Variants in FKBP5 observed in about 807,000 individuals in gnomAD.
FKBP5 encodes the protein FKBP prolyl isomerase 5.
A neutral mutation model predicts 50.5 loss-of-function variants in FKBP5; 23 were observed. The ratio of observed to expected loss-of-function variants is 0.46; its 90% confidence interval spans 0.33 to 0.65. The LOEUF (loss-of-function observed/expected upper bound fraction) is 0.65, where lower values mean the gene tolerates loss of function less well. FKBP5 is among the 30% of genes least tolerant of loss of function. The pLI is 0.02. For synonymous variants in FKBP5, 176 were observed against 190.6 expected (o/e 0.92, Z 0.63); for missense variants, 411 against 553.1 (o/e 0.74, Z 2.58).
intron 3 of FKBP5, among the ~76,000 whole-genome samples, chr6:35,631,954 CAA>C (rs763457961): frequency 8.0e-4 from 51 of 63,762 alleles, no homozygotes; most frequent in Non-Finnish European, 1.2e-3. Flanking sequence ...GACTCTGTCT[CAA>C]AAAAAAAAAA....
intron 7 of FKBP5, among the ~76,000 whole-genome samples, chr6:35,588,439 G>A (rs759777268): frequency 3.2e-4 from 49 of 152,150 alleles, no homozygotes; most frequent in Non-Finnish European, 5.7e-4. Context: ...TTCAATTCCA[G>A]GTTTTAGCAC....
chr6:35,618,328 G>C (rs1265812602), intron 5 of FKBP5, among the ~76,000 whole-genome samples: 2 of 152,108 alleles, frequency 1.3e-5, no homozygotes, highest in African/African-American at 4.8e-5. Flanking sequence ...CGTAGATGTT[G>C]AATTAATATT....
chr6:35,692,297 C>A (rs1437976263), upstream of FKBP5, among the ~76,000 whole-genome samples: 2 of 152,108 alleles, frequency 1.3e-5, no homozygotes, highest in African/African-American at 2.4e-5. Flanking sequence ...TTGATTCTCA[C>A]AATGGGGTAG....
intron 10 of FKBP5, among the ~76,000 whole-genome samples, chr6:35,576,236 C>A (rs1427078959): frequency 1.3e-5 from 2 of 152,060 alleles, no homozygotes; most frequent in Non-Finnish European, 2.9e-5. Flanking sequence ...TGCAGACAGA[C>A]CTCTCCTGCC....
intron 5 of FKBP5, among the ~76,000 whole-genome samples, chr6:35,602,766 T>A (rs1386580818): frequency 1.3e-5 from 2 of 152,124 alleles, no homozygotes; most frequent in Non-Finnish European, 2.9e-5. Flanking sequence ...GTAAGATTGC[T>A]TACAGAACTG....
intron 3 of FKBP5, among the ~76,000 whole-genome samples, chr6:35,621,091 C>A (rs570591294): frequency 6.6e-6 from 1 of 152,256 alleles, no homozygotes; most frequent in African/African-American, 2.4e-5. Context: ...AAAAATGTTC[C>A]TTTAAACAAA....
chr6:35,637,047 T>C lies in FKBP5; in HGVS notation c.217A>G (p.Arg73Gly). ...AGACTAAAGACAAATGGTTCATTTCTATCATGACTGGAATCAAACTTCTTT... is the reference window on the plus strand; with the variant it reads ...AGACTAAAGACAAATGGTTCATTTCCATCATGACTGGAATCAAACTTCTTT... Reference protein sequence around the residue: ...NGKKFDSSHDRNEPFVFSLGK... With the variant: ...NGKKFDSSHDGNEPFVFSLGK... Residue 73 changes from arginine to glycine, a missense_variant, in exon 3 of 11, where the codon AGA becomes GGA. Transcript: ENST00000357266. 1 of 1,606,914 alleles carries C rather than the reference T, an allele frequency of 6.2e-7. No individual in the cohort carries two copies. The highest frequency in any genetic ancestry group is 8.5e-7 in the Non-Finnish European group (1 of 1,178,536).
intron 9 of FKBP5, among the ~76,000 whole-genome samples, chr6:35,579,169 CT>C (rs1762338745): frequency 7.8e-6 from 1 of 127,740 alleles, no homozygotes; most frequent in African/African-American, 4.0e-5. Context: ...CACACACTCT[CT>C]CTCTCTCTCT....
chr6:35,642,868 C>T, intron 1 of FKBP5, 25 bp from the exon 2 acceptor site: 1 of 1,535,522 alleles, frequency 6.5e-7, no homozygotes, highest in South Asian at 1.1e-5. Flanking sequence ...AATATTTTAG[C>T]TGGGAAAAAT....
intron 3 of FKBP5, among the ~76,000 whole-genome samples, chr6:35,629,503 A>G (rs1039445280): frequency 2.0e-5 from 3 of 151,282 alleles, no homozygotes; most frequent in African/African-American, 4.8e-5. Context: ...TTCATGGCTT[A>G]TAATTAAAAC....
chr6:35,685,253 T>G (rs1158128013), intron 1 of FKBP5, among the ~76,000 whole-genome samples: 1 of 152,224 alleles, frequency 6.6e-6, no homozygotes. Flanking sequence ...CAGTCTCATT[T>G]GGCAGTACTG....
In FKBP5 at chr6:35,672,464, A is replaced by G. The variant is rs1338151268; in HGVS notation, c.-20+16340T>C. On this transcript the variant is annotated intron_variant, in intron 1 of 10. Transcript: ENST00000357266. The stretch of plus-strand genomic sequence containing the variant: ...TCAGTAAAAATCAATCTAGTCCAGA[A>G]GCTTGCTTTTTTTTTTTTTTAAAGA... Among the ~76,000 whole-genome samples the G allele has an allele frequency of 2.6e-5, 4 of 151,512 alleles. No homozygotes were observed. The East Asian group carries it at 7.7e-4, about 29-fold the overall frequency.
chr6:35,663,950 T>C (rs568667994), intron 1 of FKBP5, among the ~76,000 whole-genome samples: 1 of 152,244 alleles, frequency 6.6e-6, no homozygotes, highest in South Asian at 2.1e-4. Context: ...AGACAGCAAA[T>C]CTAATGGACG....
At chr6:35,707,378 G>A (rs977294907) in intron 2 of FKBP5, among the ~76,000 whole-genome samples, 17 of 151,398 alleles carry the variant, frequency 1.1e-4, no homozygotes, top group African/African-American at 1.7e-4. Context: ...CACCACGGCC[G>A]GCTAATTTTT....
chr6:35,626,883 G>A (rs1764014991), intron 3 of FKBP5, among the ~76,000 whole-genome samples: 1 of 152,138 alleles, frequency 6.6e-6, no homozygotes, highest in Non-Finnish European at 1.5e-5. Context: ...ATCTATTGAA[G>A]GACACTTGAG....
rs778224841 is a variant in FKBP5, at chr6:35,580,015, T to C, written c.1026+21A>G. The stretch of plus-strand genomic sequence containing the variant: ...AGATCTGGAGTATCTAAAGTCCATC[T>C]CACAGGAGACACGATGTTACCTTGT... On this transcript the variant is annotated intron_variant, in intron 9 of 10. Transcript: ENST00000357266. 6 of 1,599,216 alleles carry C rather than the reference T, an allele frequency of 3.8e-6. No homozygotes were observed. In the East Asian group the frequency reaches 1.3e-4, roughly 36 times the overall value.
At chr6:35,595,746 T>G (rs1276128343) in intron 6 of FKBP5, among the ~76,000 whole-genome samples, 1 of 151,514 alleles carries the variant, frequency 6.6e-6, no homozygotes, top group East Asian at 1.9e-4. Flanking sequence ...TGAGATCCTG[T>G]TACCAAAAAA....
chr6:35,678,546 T>G (rs1196337575), intron 1 of FKBP5, among the ~76,000 whole-genome samples: 2 of 152,214 alleles, frequency 1.3e-5, no homozygotes, highest in Non-Finnish European at 2.9e-5. Context: ...AACTAATTTA[T>G]TCTAATGAAA....
intron 3 of FKBP5, among the ~76,000 whole-genome samples, chr6:35,625,776 A>C (rs1234389249): frequency 7.1e-6 from 1 of 140,276 alleles, no homozygotes; most frequent in African/African-American, 2.6e-5. Context: ...CAATTTATTT[A>C]TTTATTTATT....
Sources: gnomAD v4.1 joint callset for allele counts (sites outside exome capture counted in the v4.1 genomes callset) on GRCh38, gnomAD v4.1.1 for gene constraint, MANE v1.5 for transcripts, NCBI Gene and HGNC (gene_info 2026-07-23, HGNC 2026-07-21) for gene names.